HDAC9: variants seen among roughly 807,000 people sequenced by gnomAD.
HDAC9 encodes histone deacetylase 9, also known as MEF-2 interacting transcription repressor (MITR) protein.
HDAC9 carries 41 observed loss-of-function variants against 139.4 expected under a neutral mutation model. That is an observed-to-expected ratio of 0.29 (90% CI 0.23 to 0.38). HDAC9 has a LOEUF of 0.38. HDAC9 is among the 10% of genes least tolerant of loss of function. The pLI, the probability that HDAC9 is intolerant of heterozygous loss-of-function variation, is 1.00. For synonymous variants in HDAC9, 517 were observed against 476.2 expected (o/e 1.09, Z -1.12); for missense variants, 1,147 against 1,297.0 (o/e 0.88, Z 1.78).
intron 1 of HDAC9, among the ~76,000 whole-genome samples, chr7:18,342,534 T>C (rs1782095110): frequency 6.6e-6 from 1 of 151,868 alleles, no homozygotes; most frequent in African/African-American, 2.4e-5. Flanking sequence ...CATAGTAATT[T>C]TTATATTACA....
At chr7:18,829,129 C>T (rs967028359) in intron 17 of HDAC9, 32 bp from the exon 18 acceptor site, 2 of 1,529,398 alleles carry the variant, frequency 1.3e-6, no homozygotes, top group Non-Finnish European at 1.8e-6. Context: ...TCCATTATAT[C>T]TGACCATTGA....
chr7:18,781,697 C>G (rs187343123), intron 16 of HDAC9, among the ~76,000 whole-genome samples: 9 of 152,146 alleles, frequency 5.9e-5, no homozygotes, highest in Non-Finnish European at 1.5e-5. Context: ...CTGGAATCAT[C>G]AGCTTTAGCC....
At position 18,999,242 on chromosome 7, in the gene HDAC9, A is replaced by G. The variant is rs1448063889; in HGVS notation, c.*3180A>G. ...CACTCTCACTAACCTTTCACTGACA[A>G]CATCATGGCCTTGAAAGCAGGGATC... On this transcript the variant is annotated 3_prime_UTR_variant, in exon 26 of 26. Transcript: ENST00000686413. 6.6e-6 allele frequency: 1 copy of G among 152,242 alleles called. No homozygotes were observed. The highest frequency in any genetic ancestry group is 1.5e-5 in the Non-Finnish European group (1 of 68,044). The allele number at this position is 152,242 out of a possible 1,614,324, so 9.4% of individuals were successfully genotyped here.
At chr7:18,148,418 C>G (rs74753855) in intron 1 of HDAC9, among the ~76,000 whole-genome samples, 7,074 of 152,250 alleles carry the variant, frequency 0.046, 191 homozygotes, top group Non-Finnish European at 0.06. Flanking sequence ...CACATCTCCA[C>G]TTCTGCCTGA....
rs115275296 is a variant in HDAC9 at position 18,539,804 on chromosome 7, C to A, written c.22+43480C>A. Among the ~76,000 whole-genome samples the A allele has an allele frequency of 9.6e-3, 1,464 of 151,992 alleles. 23 individuals carry two copies. The highest frequency in any genetic ancestry group is 0.033 in the African/African-American group (1,380 of 41,424). On this transcript the variant is annotated intron_variant, in intron 2 of 25. Transcript: ENST00000686413. Reference sequence around the variant, plus strand: ...TAGGGGTGATGAGGCTCTTCTACATCTTGCTTGTGATTATAGTTATTTGAA... The same window carrying A: ...TAGGGGTGATGAGGCTCTTCTACATATTGCTTGTGATTATAGTTATTTGAA...
At chr7:18,752,390 G>A (rs560307278) in intron 14 of HDAC9, among the ~76,000 whole-genome samples, 14 of 152,124 alleles carry the variant, frequency 9.2e-5, no homozygotes, top group African/African-American at 3.4e-4. Flanking sequence ...GAGGAAGTTG[G>A]GTCCCAGCTC....
At chr7:18,496,509 T>A in intron 2 of HDAC9, 185 bp downstream of exon 2, 1 of 592,166 alleles carries the variant, frequency 1.7e-6, no homozygotes, top group Non-Finnish European at 3.0e-6. Context: ...GCATATTCAG[T>A]CTGCTTAGGG....
At chr7:18,843,614 A>G (rs13234562) in intron 21 of HDAC9, among the ~76,000 whole-genome samples, 18,400 of 152,018 alleles carry the variant, frequency 0.12, 2,395 homozygotes, top group African/African-American at 0.33. Context: ...ACTTCATTGA[A>G]CAGCTGTTTT....
intron 1 of HDAC9, among the ~76,000 whole-genome samples, chr7:18,297,408 AT>A (rs2128227833): frequency 6.6e-6 from 1 of 152,220 alleles, no homozygotes; most frequent in East Asian, 1.9e-4. Context: ...TTTTGCACCA[AT>A]TCTTTGGTCC....
At chr7:18,122,810 G>T (rs550886672) in intron 1 of HDAC9, among the ~76,000 whole-genome samples, 20 of 152,172 alleles carry the variant, frequency 1.3e-4, no homozygotes, top group African/African-American at 4.8e-4. Flanking sequence ...GTTGAGATGG[G>T]GTTTCACCAT....
chr7:18,611,039 A>G (rs1037749657), intron 6 of HDAC9, among the ~76,000 whole-genome samples: 7 of 152,172 alleles, frequency 4.6e-5, no homozygotes, highest in African/African-American at 1.7e-4. Context: ...GTTTTTTGAA[A>G]CATTATAATA....
At chr7:18,196,792 C>G (rs1250255447) in intron 2 of HDAC9, among the ~76,000 whole-genome samples, 4 of 151,970 alleles carry the variant, frequency 2.6e-5, no homozygotes, top group East Asian at 1.9e-4. Context: ...TCATAAGGAC[C>G]TGAACCGAGA....
chr7:18,665,122 G>A (rs1239882792), intron 11 of HDAC9, among the ~76,000 whole-genome samples: 2 of 152,102 alleles, frequency 1.3e-5, no homozygotes. Flanking sequence ...CATGTATTTT[G>A]TAATTATGTG....
chr7:18,451,399 G>GTGTGTA (rs749979008), intron 1 of HDAC9, among the ~76,000 whole-genome samples: 1 of 130,762 alleles, frequency 7.6e-6, no homozygotes, highest in Non-Finnish European at 1.7e-5. Context: ...GTGTGTGTGT[G>GTGTGTA]TGTATATATG....
At chr7:18,555,132 TC>T (rs1217124712) in intron 2 of HDAC9, among the ~76,000 whole-genome samples, 1 of 152,212 alleles carries the variant, frequency 6.6e-6, no homozygotes, top group East Asian at 1.9e-4. Flanking sequence ...ATAACTTTGC[TC>T]ATTTAAAAAA....
chr7:18,094,009 A>T (rs1782336386), intron 1 of HDAC9, among the ~76,000 whole-genome samples: 1 of 152,194 alleles, frequency 6.6e-6, no homozygotes. Flanking sequence ...ATCCCAGCAC[A>T]GTATGAGGAA....
intron 1 of HDAC9, among the ~76,000 whole-genome samples, chr7:18,415,271 C>T (rs965689790): frequency 3.9e-5 from 6 of 152,164 alleles, no homozygotes; most frequent in Admixed American, 6.5e-5. Context: ...AACTAGAACC[C>T]ATGGGGCTGA....
intron 2 of HDAC9, among the ~76,000 whole-genome samples, chr7:18,220,879 C>T (rs746073996): frequency 2.6e-5 from 4 of 152,174 alleles, no homozygotes; most frequent in Non-Finnish European, 4.4e-5. Context: ...TAATTTCTCA[C>T]TTATTTCCTA....
intron 1 of HDAC9, among the ~76,000 whole-genome samples, chr7:18,340,994 G>A (rs1781963119): frequency 6.6e-6 from 1 of 151,066 alleles, no homozygotes; most frequent in Non-Finnish European, 1.5e-5. Context: ...AGAATCCCAA[G>A]TTGACTTTTT....
Sources: gnomAD v4.1 joint callset for allele counts (sites outside exome capture counted in the v4.1 genomes callset) on GRCh38, gnomAD v4.1.1 for gene constraint, MANE v1.5 for transcripts, NCBI Gene and HGNC (gene_info 2026-07-23, HGNC 2026-07-21) for gene names.